Variants in NUCB2 observed in about 807,000 individuals in gnomAD.
NUCB2 encodes nucleobindin-2.
In NUCB2, 48 loss-of-function variants were observed where a neutral mutation model predicts 57.9. The observed-to-expected ratio is 0.83, with a 90% CI of 0.66 to 1.05. The LOEUF is 1.05. Ranked by LOEUF, NUCB2 falls within the 50% of genes least tolerant of loss-of-function variation. The pLI is 0.00. For missense variants in NUCB2, 442 were observed against 476.2 expected (o/e 0.93, Z 0.67); for synonymous variants, 139 against 152.1 (o/e 0.91, Z 0.64).
chr11:17,312,325 C>T (rs1202490557), intron 10 of NUCB2, among the ~76,000 whole-genome samples: 1 of 151,736 alleles, frequency 6.6e-6, no homozygotes, highest in East Asian at 1.9e-4. Flanking sequence ...CCTCAACCTC[C>T]TGGGCTCAAG....
intron 2 of NUCB2, among the ~76,000 whole-genome samples, chr11:17,339,592 A>G (rs989428356): frequency 5.5e-5 from 8 of 144,768 alleles, no homozygotes; most frequent in South Asian, 2.2e-4. Context: ...TATGAGTGAG[A>G]ACATGTGGTG....
At chr11:17,281,093 T>G (rs1185040420) in intron 1 of NUCB2, among the ~76,000 whole-genome samples, 1 of 152,102 alleles carries the variant, frequency 6.6e-6, no homozygotes, top group Non-Finnish European at 1.5e-5. Flanking sequence ...GTCAAACTGG[T>G]CTTGCTTGCT....
chr11:17,304,289 T>G (rs1235768729), intron 5 of NUCB2, among the ~76,000 whole-genome samples: 4 of 151,952 alleles, frequency 2.6e-5, no homozygotes, highest in Admixed American at 2.6e-4. Flanking sequence ...CCGCCTCCTG[T>G]GTTCAAGGGA....
chr11:17,305,839 T>G (rs1218244945), intron 5 of NUCB2, among the ~76,000 whole-genome samples: 1 of 151,894 alleles, frequency 6.6e-6, no homozygotes, highest in Admixed American at 6.6e-5. Flanking sequence ...CCCAGGCTGG[T>G]TTGAGGGAAC....
intron 4 of NUCB2, among the ~76,000 whole-genome samples, chr11:17,301,013 C>T (rs1946629046): frequency 8.0e-6 from 1 of 124,740 alleles, no homozygotes; most frequent in Non-Finnish European, 1.6e-5. Context: ...ACTCTTGTTG[C>T]CCAGGCTGGA....
chr11:17,285,918 TG>T, intron 2 of NUCB2, among the ~76,000 whole-genome samples: 1 of 144,022 alleles, frequency 6.9e-6, no homozygotes, highest in East Asian at 2.1e-4. Context: ...CACACATACA[TG>T]CGCGCACGTG....
At chr11:17,314,145 C>T (rs1006948324) in intron 10 of NUCB2, among the ~76,000 whole-genome samples, 10 of 152,004 alleles carry the variant, frequency 6.6e-5, no homozygotes, top group Admixed American at 2.6e-4. Flanking sequence ...CCTGCATTTC[C>T]TCTATAAGTT....
In NUCB2 at chr11:17,282,256, A is replaced by ATT. The variant is rs756983829; in HGVS notation, c.-155-532_-155-531insTT. Among the ~76,000 whole-genome samples the ATT allele has an allele frequency of 6.8e-3, 732 of 108,206 alleles. 10 individuals are homozygous for ATT. Among genetic ancestry groups the ATT allele is most frequent in the African/African-American group, 0.021 (548 of 25,868 alleles). 71.0% of individuals were successfully genotyped at this position (108,206 alleles called of 152,430 possible). On this transcript the variant is annotated intron_variant, in intron 1 of 13. Coordinates refer to ENST00000529010, the MANE Select transcript of NUCB2 (RefSeq NM_005013.4). ...TCTATCTATATATATATATATATAT[A>ATT]TATTTTTTTTTTTTTTTCCCAAGAC...
At chr11:17,294,678 TAAA>T (rs34406631) in intron 2 of NUCB2, among the ~76,000 whole-genome samples, 24 of 102,622 alleles carry the variant, frequency 2.3e-4, no homozygotes, top group Admixed American at 4.4e-4. Flanking sequence ...CGTGTTGCCT[TAAA>T]AAAAAAAAAA....
intron 2 of NUCB2, among the ~76,000 whole-genome samples, chr11:17,344,095 G>T (rs1175143387): frequency 1.3e-5 from 2 of 152,166 alleles, no homozygotes; most frequent in South Asian, 2.1e-4. Flanking sequence ...GACTCATGGG[G>T]TGGGTCCCTG....
Position 17,301,797 on chromosome 11 carries a change from A to C in NUCB2, c.306A>C (p.Lys102Asn). The C allele has an allele frequency of 6.2e-7, 1 of 1,612,024 alleles. No individual in the cohort carries two copies. Among genetic ancestry groups the C allele is most frequent in the Non-Finnish European group, 8.5e-7 (1 of 1,178,024 alleles). The change falls in exon 5 of 14, where the codon AAA (lysine) becomes AAC (asparagine). Residue 102 changes from lysine to asparagine, a missense_variant. Lys to Asn is a moderately conservative substitution (Grantham distance 94). Transcript: ENST00000529010. ...TAGTAAGTCACCATGTGAGGACAAA[A>C]CTTGATGAACTGAAAAGGCAAGAAG... Reference protein sequence around the residue: ...LDLVSHHVRTKLDELKRQEVG... With the variant: ...LDLVSHHVRTNLDELKRQEVG...
At chr11:17,334,923 G>C (rs973313618), downstream of NUCB2, among the ~76,000 whole-genome samples, 4 of 149,738 alleles carry the variant, frequency 2.7e-5, no homozygotes, top group Non-Finnish European at 4.4e-5. Flanking sequence ...CACCTCACAA[G>C]TTTACATTGT....
At chr11:17,345,612 C>T (rs1253616995) in intron 2 of NUCB2, among the ~76,000 whole-genome samples, 1 of 152,070 alleles carries the variant, frequency 6.6e-6, no homozygotes, top group East Asian at 1.9e-4. Flanking sequence ...GAGGCTGAGG[C>T]AGGAGAATCA....
At chr11:17,337,833 C>T (rs1240715994) in intron 2 of NUCB2, among the ~76,000 whole-genome samples, 2 of 152,036 alleles carry the variant, frequency 1.3e-5, no homozygotes, top group African/African-American at 4.8e-5. Context: ...CGGGGTTTCA[C>T]TATGTTGGCT....
intron 8 of NUCB2, 153 bp from the exon 9 acceptor site, chr11:17,311,719 C>G: frequency 1.9e-6 from 1 of 532,032 alleles, no homozygotes; most frequent in Non-Finnish European, 3.3e-6. Flanking sequence ...TTCAGCTGAT[C>G]TAAAGCTTCA....
At chr11:17,304,580 T>C (rs1244841419) in intron 5 of NUCB2, among the ~76,000 whole-genome samples, 1 of 152,194 alleles carries the variant, frequency 6.6e-6, no homozygotes, top group East Asian at 1.9e-4. Flanking sequence ...TCACAGATGA[T>C]ATGATGTTTA....
At chr11:17,279,607 ATATCT>A (rs1184816679) in intron 1 of NUCB2, among the ~76,000 whole-genome samples, 1 of 152,140 alleles carries the variant, frequency 6.6e-6, no homozygotes, top group Non-Finnish European at 1.5e-5. Context: ...ATCTTTCAAA[ATATCT>A]TGTTTTACCT....
At chr11:17,288,957 A>ATTTTT (rs1314774026) in intron 2 of NUCB2, among the ~76,000 whole-genome samples, 2 of 80,356 alleles carry the variant, frequency 2.5e-5, no homozygotes, top group African/African-American at 1.6e-4. Context: ...ACACATATAT[A>ATTTTT]TATATATTTT....
intron 2 of NUCB2, among the ~76,000 whole-genome samples, chr11:17,288,018 G>A (rs1944088389): frequency 6.6e-6 from 1 of 151,972 alleles, no homozygotes; most frequent in Admixed American, 6.6e-5. Flanking sequence ...AAACAAAAAT[G>A]GCTTGAAGAA....
Sources: gnomAD v4.1 joint callset for allele counts (sites outside exome capture counted in the v4.1 genomes callset) on GRCh38, gnomAD v4.1.1 for gene constraint, MANE v1.5 for transcripts, NCBI Gene and HGNC (gene_info 2026-07-23, HGNC 2026-07-21) for gene names.